Variants in SEMA6D observed in about 807,000 individuals in gnomAD.
The protein encoded by SEMA6D is semaphorin 6D.
Under a neutral mutation model 106.6 loss-of-function variants are expected in SEMA6D, and 35 were observed. The ratio of observed to expected loss-of-function variants is 0.33; its 90% CI spans 0.25 to 0.44. The LOEUF (loss-of-function observed/expected upper bound fraction) is 0.44. Among genes scored for constraint, SEMA6D ranks in the 20% least tolerant of loss-of-function variants. The pLI is 1.00. For synonymous variants in SEMA6D, 499 were observed against 487.7 expected (o/e 1.02, Z -0.31); for missense variants, 1,185 against 1,345.9 (o/e 0.88, Z 1.87).
intron 3 of SEMA6D, among the ~76,000 whole-genome samples, chr15:47,579,616 T>C (rs2076220874): frequency 6.6e-6 from 1 of 152,178 alleles, no homozygotes. Context: ...TTAAATAAAA[T>C]TTTCACTGCA....
intron 1 of SEMA6D, among the ~76,000 whole-genome samples, chr15:47,398,839 C>T (rs1237448599): frequency 6.6e-6 from 1 of 152,126 alleles, no homozygotes; most frequent in Non-Finnish European, 1.5e-5. Context: ...ACTGTAAGGA[C>T]CCTCATCCAT....
At chr15:47,446,982 A>G (rs1229933700) in intron 2 of SEMA6D, among the ~76,000 whole-genome samples, 1 of 152,110 alleles carries the variant, frequency 6.6e-6, no homozygotes, top group South Asian at 2.1e-4. Flanking sequence ...TCACGACATG[A>G]CACATAGGGG....
intron 1 of SEMA6D, among the ~76,000 whole-genome samples, chr15:47,317,885 A>C (rs1824918440): frequency 6.6e-6 from 1 of 151,932 alleles, no homozygotes; most frequent in South Asian, 2.1e-4. Context: ...TGGGATCTAT[A>C]ATTTTGAGTT....
intron 1 of SEMA6D, among the ~76,000 whole-genome samples, chr15:47,405,330 G>T (rs1340565780): frequency 6.6e-6 from 1 of 152,092 alleles, no homozygotes; most frequent in Non-Finnish European, 1.5e-5. Context: ...AGACAGAGTG[G>T]TTCCAGGAGA....
At chr15:47,435,024 A>G (rs1307198471) in intron 2 of SEMA6D, among the ~76,000 whole-genome samples, 1 of 152,148 alleles carries the variant, frequency 6.6e-6, no homozygotes, top group Non-Finnish European at 1.5e-5. Context: ...TAAATCACTG[A>G]ATTGTAAATT....
At chr15:47,735,733 T>A (rs1381019938) in intron 1 of SEMA6D, among the ~76,000 whole-genome samples, 1 of 152,138 alleles carries the variant, frequency 6.6e-6, no homozygotes, top group Non-Finnish European at 1.5e-5. Flanking sequence ...TAAGTTGGTC[T>A]CTCCACTTCA....
chr15:47,266,736 T>G (rs1440832497), intron 1 of SEMA6D, among the ~76,000 whole-genome samples: 2 of 152,042 alleles, frequency 1.3e-5, no homozygotes, highest in Non-Finnish European at 2.9e-5. Flanking sequence ...GATAACCATC[T>G]AGGAGCTGAG....
intron 1 of SEMA6D, among the ~76,000 whole-genome samples, chr15:47,394,825 G>A (rs543868620): frequency 6.6e-6 from 1 of 152,268 alleles, no homozygotes; most frequent in South Asian, 2.1e-4. Context: ...ACCATAAACA[G>A]CAGTCCTCTT....
At chr15:47,671,817 G>A (rs775325048) in intron 4 of SEMA6D, among the ~76,000 whole-genome samples, 57 of 152,104 alleles carry the variant, frequency 3.7e-4, no homozygotes, top group African/African-American at 8.0e-4. Context: ...CAATATAAGG[G>A]CCAGCAAGAG....
intron 1 of SEMA6D, among the ~76,000 whole-genome samples, chr15:47,752,251 C>T (rs914578820): frequency 6.6e-6 from 1 of 152,094 alleles, no homozygotes; most frequent in East Asian, 1.9e-4. Context: ...GTGGGTAAAC[C>T]GTCAGAAGAA....
chr15:47,263,601 A>G (rs1230098348), intron 1 of SEMA6D, among the ~76,000 whole-genome samples: 2 of 152,008 alleles, frequency 1.3e-5, no homozygotes, highest in African/African-American at 2.4e-5. Flanking sequence ...TGCTGGTGAG[A>G]GTGTAAATTA....
intron 4 of SEMA6D, among the ~76,000 whole-genome samples, chr15:47,611,148 T>TACAC (rs71432248): frequency 0.014 from 1,982 of 141,628 alleles, 43 homozygotes; most frequent in African/African-American, 0.039. Flanking sequence ...CCGTCCTACA[T>TACAC]ACACACACAC....
chr15:47,590,216 T>G (rs1489670459), intron 3 of SEMA6D, among the ~76,000 whole-genome samples: 7 of 152,098 alleles, frequency 4.6e-5, no homozygotes, highest in Non-Finnish European at 8.8e-5. Flanking sequence ...AAGAATGAGT[T>G]CATGTCCTTT....
intron 1 of SEMA6D, among the ~76,000 whole-genome samples, chr15:47,754,847 ATTTG>A (rs1041681962): frequency 2.6e-5 from 4 of 151,272 alleles, no homozygotes; most frequent in Admixed American, 1.3e-4. Flanking sequence ...GATAATTTCT[ATTTG>A]TTTGTCTTCT....
chr15:47,496,990 C>T (rs2043686417), intron 3 of SEMA6D, among the ~76,000 whole-genome samples: 1 of 152,022 alleles, frequency 6.6e-6, no homozygotes, highest in African/African-American at 2.4e-5. Context: ...GCCAAAATCT[C>T]AACTATGATT....
At chr15:47,504,531 C>T (rs2141659473) in intron 3 of SEMA6D, among the ~76,000 whole-genome samples, 1 of 152,290 alleles carries the variant, frequency 6.6e-6, no homozygotes, top group East Asian at 1.9e-4. Flanking sequence ...ATAAATAAGA[C>T]CCCTTTGCCC....
intron 4 of SEMA6D, among the ~76,000 whole-genome samples, chr15:47,660,541 C>T (rs1249829418): frequency 6.6e-6 from 1 of 152,002 alleles, no homozygotes; most frequent in African/African-American, 2.4e-5. Flanking sequence ...GATCTATTTG[C>T]CTATTTCTGG....
intron 1 of SEMA6D, among the ~76,000 whole-genome samples, chr15:47,355,373 A>G (rs2038524143): frequency 6.6e-6 from 1 of 152,234 alleles, no homozygotes; most frequent in Non-Finnish European, 1.5e-5. Context: ...CTGTTTCTAG[A>G]TACAAATGAA....
chr15:47,741,838 T>C (rs1377885483), intron 1 of SEMA6D, among the ~76,000 whole-genome samples: 1 of 152,200 alleles, frequency 6.6e-6, no homozygotes, highest in East Asian at 1.9e-4. Context: ...CAATAAGCCA[T>C]AGATCCTGCC....
Sources: allele counts gnomAD v4.1 joint callset (sites outside exome capture counted in the v4.1 genomes callset), GRCh38; gene constraint gnomAD v4.1.1; transcripts MANE v1.5; gene names NCBI Gene and HGNC (gene_info 2026-07-23, HGNC 2026-07-21).